Variants in AUTS2 observed in about 807,000 individuals in gnomAD.
The protein encoded by AUTS2 is activator of transcription and developmental regulator AUTS2.
AUTS2 carries 17 observed loss-of-function variants against 112.4 expected under a neutral mutation model. The ratio of observed to expected loss-of-function variants is 0.15; its 90% confidence interval spans 0.10 to 0.23. The LOEUF (loss-of-function observed/expected upper bound fraction) is 0.23, where lower values mean the gene tolerates loss of function less well. AUTS2 is among the 10% of genes least tolerant of loss of function. The pLI, the probability that AUTS2 is intolerant of heterozygous loss-of-function variation, is 1.00. For missense variants in AUTS2, 1,510 were observed against 1,701.6 expected (o/e 0.89, Z 1.98); for synonymous variants, 751 against 702.7 (o/e 1.07, Z -1.09).
At chr7:70,082,538 G>A (rs1049091067) in intron 2 of AUTS2, among the ~76,000 whole-genome samples, 2 of 152,196 alleles carry the variant, frequency 1.3e-5, no homozygotes, top group African/African-American at 2.4e-5. Flanking sequence ...TGTCTGAACC[G>A]TGTCTGAAGT....
chr7:70,582,954 C>A (rs1802518395), intron 5 of AUTS2, among the ~76,000 whole-genome samples: 1 of 152,194 alleles, frequency 6.6e-6, no homozygotes, highest in Non-Finnish European at 1.5e-5. Context: ...TCCCCCCAAA[C>A]TTCTTTGGGT....
intron 1 of AUTS2, among the ~76,000 whole-genome samples, chr7:69,881,921 G>A (rs528717333): frequency 1.3e-5 from 2 of 152,234 alleles, no homozygotes; most frequent in East Asian, 3.9e-4. Context: ...GGAGGCCGAG[G>A]TGGGTGGATC....
chr7:70,113,273 TC>T (rs1429891819), intron 2 of AUTS2, among the ~76,000 whole-genome samples: 1 of 152,196 alleles, frequency 6.6e-6, no homozygotes, highest in Non-Finnish European at 1.5e-5. Flanking sequence ...TTTGCTTATT[TC>T]GATTCATCAG....
At chr7:70,621,341 C>G (rs1804663852) in intron 5 of AUTS2, among the ~76,000 whole-genome samples, 1 of 152,238 alleles carries the variant, frequency 6.6e-6, no homozygotes, top group African/African-American at 2.4e-5. Context: ...CTTTTTTTCT[C>G]CCATGTCCTA....
chr7:70,728,393 T>C (rs1200184067), intron 6 of AUTS2, among the ~76,000 whole-genome samples: 3 of 151,948 alleles, frequency 2.0e-5, no homozygotes, highest in Non-Finnish European at 4.4e-5. Context: ...CCAGGTTGAG[T>C]TCCTCCAAGC....
chr7:70,628,572 C>T (rs956462444), intron 5 of AUTS2, among the ~76,000 whole-genome samples: 1 of 151,356 alleles, frequency 6.6e-6, no homozygotes, highest in Non-Finnish European at 1.5e-5. Context: ...ATACCTACAT[C>T]CCTCCCCCTC....
chr7:70,116,026 A>G (rs1805340644), intron 2 of AUTS2, among the ~76,000 whole-genome samples: 1 of 152,176 alleles, frequency 6.6e-6, no homozygotes, highest in South Asian at 2.1e-4. Context: ...TGTAGATTAA[A>G]TCTCTCCTTT....
chr7:70,000,968 C>A (rs1360900129), intron 2 of AUTS2, among the ~76,000 whole-genome samples: 2 of 152,210 alleles, frequency 1.3e-5, no homozygotes, highest in Non-Finnish European at 2.9e-5. Flanking sequence ...CAGCCTTCTG[C>A]CAGGATGGTT....
chr7:70,192,136 T>TTTA (rs1223892945), intron 4 of AUTS2, among the ~76,000 whole-genome samples: 1 of 152,212 alleles, frequency 6.6e-6, no homozygotes, highest in Non-Finnish European at 1.5e-5. Context: ...CAGTAATACC[T>TTTA]TCTTCAATGT....
At chr7:69,886,253 CTA>C (rs887283594) in intron 1 of AUTS2, among the ~76,000 whole-genome samples, 2 of 152,198 alleles carry the variant, frequency 1.3e-5, no homozygotes, top group African/African-American at 4.8e-5. Context: ...TGTTGATTCT[CTA>C]TGTCACTGCT....
intron 4 of AUTS2, among the ~76,000 whole-genome samples, chr7:70,296,779 A>G (rs1428883306): frequency 6.6e-6 from 1 of 151,328 alleles, no homozygotes; most frequent in Non-Finnish European, 1.5e-5. Context: ...TTTTAGTTCT[A>G]TTACTGCATC....
chr7:69,900,360 G>A (rs779969418), intron 2 of AUTS2, among the ~76,000 whole-genome samples: 21 of 152,210 alleles, frequency 1.4e-4, no homozygotes, highest in Non-Finnish European at 2.6e-4. Flanking sequence ...GGTGTACAGA[G>A]CAGGTGCTGC....
At chr7:69,623,393 T>TTTC (rs1387168610) in intron 1 of AUTS2, among the ~76,000 whole-genome samples, 67 of 143,324 alleles carry the variant, frequency 4.7e-4, no homozygotes, top group African/African-American at 1.6e-3. Context: ...TTTTTTTTTT[T>TTTC]TTTTTTTTTT....
At position 70,680,062 on chromosome 7, in the gene AUTS2, A is replaced by G. The variant is rs543675369; in HGVS notation, c.691-18507A>G. 2.6e-5 allele frequency among the ~76,000 whole-genome samples: 4 copies of G among 152,344 alleles called. No individual in the cohort carries two copies. In the East Asian group the frequency reaches 7.7e-4, roughly 29 times the overall value. ...CACTTAGAAGGATTAAATGCAGACC[A>G]TAGCATACTTCTGACATTTCATTGG... On this transcript the variant is annotated intron_variant, in intron 5 of 18. Transcript: ENST00000342771.
chr7:69,790,285 T>C (rs1789557967), intron 1 of AUTS2, among the ~76,000 whole-genome samples: 3 of 152,156 alleles, frequency 2.0e-5, no homozygotes, highest in South Asian at 4.1e-4. Flanking sequence ...AGTCAGACTC[T>C]GTCTCAAAAA....
intron 5 of AUTS2, among the ~76,000 whole-genome samples, chr7:70,628,566 C>G (rs1220222940): frequency 6.6e-6 from 1 of 151,726 alleles, no homozygotes; most frequent in Non-Finnish European, 1.5e-5. Flanking sequence ...AATAGTATAC[C>G]TACATCCCTC....
intron 5 of AUTS2, among the ~76,000 whole-genome samples, chr7:70,639,608 C>A (rs1322139032): frequency 1.1e-5 from 1 of 89,612 alleles, no homozygotes; most frequent in Non-Finnish European, 2.1e-5. Flanking sequence ...TAGAGCGAGA[C>A]CCTGTCTCAA....
At chr7:70,320,581 G>T (rs1585014678) in intron 4 of AUTS2, among the ~76,000 whole-genome samples, 1 of 152,136 alleles carries the variant, frequency 6.6e-6, no homozygotes, top group South Asian at 2.1e-4. Context: ...TACATCACTG[G>T]GGAAGACAAT....
intron 2 of AUTS2, among the ~76,000 whole-genome samples, chr7:70,095,291 T>C (rs1300345193): frequency 6.6e-6 from 1 of 152,146 alleles, no homozygotes; most frequent in Admixed American, 6.6e-5. Context: ...TGCGCTCACG[T>C]GTGCGTGTGC....
Sources: allele counts gnomAD v4.1 joint callset (sites outside exome capture counted in the v4.1 genomes callset), GRCh38; gene constraint gnomAD v4.1.1; transcripts MANE v1.5; gene names NCBI Gene and HGNC (gene_info 2026-07-23, HGNC 2026-07-21).